Variants in LUC7L observed in about 807,000 individuals in gnomAD.
LUC7L encodes the protein putative RNA-binding protein Luc7-like 1.
LUC7L carries 29 observed loss-of-function variants against 51.1 expected under a neutral mutation model. The observed-to-expected ratio is 0.57, with a 90% CI of 0.42 to 0.77. LUC7L has a LOEUF of 0.77. Among genes scored for constraint, LUC7L ranks in the 30% least tolerant of loss-of-function variants. The probability of loss-of-function intolerance (pLI) is 0.00; values close to 1 mark genes in which losing one functional copy is unlikely to be tolerated. For synonymous variants in LUC7L, 181 were observed against 180.7 expected, an observed-to-expected ratio of 1.00 and a Z score of -0.01; for missense variants, 403 against 511.9, an observed-to-expected ratio of 0.79 and a Z score of 2.05.
At chr16:189,363 C>G (rs1175183641) in intron 9 of LUC7L, 24 bp from the exon 10 acceptor site, 1 of 1,595,198 alleles carries the variant, frequency 6.3e-7, no homozygotes, top group South Asian at 1.1e-5. Flanking sequence ...ACCAGAGGCT[C>G]AGTGGAGGCT....
At chr16:203,086 G>A (rs1405015954) in intron 5 of LUC7L, among the ~76,000 whole-genome samples, 2 of 152,178 alleles carry the variant, frequency 1.3e-5, no homozygotes, top group Non-Finnish European at 1.5e-5. Context: ...AGGAGTTGGA[G>A]GTTGCAGCGA....
At chr16:192,191 T>C (rs921732305) in intron 7 of LUC7L, among the ~76,000 whole-genome samples, 4 of 152,128 alleles carry the variant, frequency 2.6e-5, no homozygotes, top group African/African-American at 9.7e-5. Context: ...ATCAGTTCTA[T>C]CCCAGAACTT....
At chr16:215,083 C>CT (rs1000576118) in intron 3 of LUC7L, among the ~76,000 whole-genome samples, 1 of 151,986 alleles carries the variant, frequency 6.6e-6, no homozygotes, top group African/African-American at 2.4e-5. Flanking sequence ...TGTATTACAT[C>CT]TTTTTTTTCC....
At chr16:225,213 C>T (rs1458516603) in intron 2 of LUC7L, among the ~76,000 whole-genome samples, 6 of 152,034 alleles carry the variant, frequency 3.9e-5, no homozygotes, top group Non-Finnish European at 4.4e-5. Context: ...TCTGGCCGGG[C>T]GCAGTGTCTC....
chr16:225,790 T>G (rs553447248), intron 2 of LUC7L, among the ~76,000 whole-genome samples: 10 of 150,364 alleles, frequency 6.7e-5, no homozygotes, highest in Non-Finnish European at 1.3e-4. Context: ...CAGCCTGAAA[T>G]TCTGTCTCAA....
intron 2 of LUC7L, among the ~76,000 whole-genome samples, chr16:226,799 C>T (rs2050143996): frequency 6.6e-6 from 1 of 152,170 alleles, no homozygotes; most frequent in African/African-American, 2.4e-5. Flanking sequence ...TACAAAAAAT[C>T]TGGTAACTTT....
chr16:201,222 A>C (rs2049315865), intron 5 of LUC7L, among the ~76,000 whole-genome samples: 2 of 131,778 alleles, frequency 1.5e-5, no homozygotes, highest in Non-Finnish European at 3.1e-5. Flanking sequence ...TTGAATTTCC[A>C]TTATAGTATG....
At chr16:217,692 A>T (rs1430228012) in intron 3 of LUC7L, among the ~76,000 whole-genome samples, 1 of 149,116 alleles carries the variant, frequency 6.7e-6, no homozygotes, top group Non-Finnish European at 1.5e-5. Context: ...GGGCAACAAG[A>T]GTGAGACTCT....
At chr16:194,156 T>G (rs1051606975) in intron 6 of LUC7L, among the ~76,000 whole-genome samples, 1 of 151,564 alleles carries the variant, frequency 6.6e-6, no homozygotes, top group Non-Finnish European at 1.5e-5. Context: ...CTGGATGGAG[T>G]GCAGTGGCGC....
chr16:218,128 G>A (rs1004252008), intron 3 of LUC7L, among the ~76,000 whole-genome samples: 6 of 151,988 alleles, frequency 3.9e-5, no homozygotes, highest in African/African-American at 1.5e-4. Flanking sequence ...AGGAGGTGGA[G>A]GTTACAGTGA....
chr16:213,081 G>C (rs144007563), intron 3 of LUC7L, among the ~76,000 whole-genome samples: 112 of 152,144 alleles, frequency 7.4e-4, no homozygotes, highest in Admixed American at 2.5e-3. Flanking sequence ...AACTTTTTCA[G>C]AGCTTAATAT....
chr16:189,626 C>T, intron 9 of LUC7L: 1 of 1,324,336 alleles, frequency 7.6e-7, no homozygotes, highest in African/African-American at 1.5e-5. Flanking sequence ...TACGTAAAAA[C>T]ACAATGGAAA....
intron 2 of LUC7L, among the ~76,000 whole-genome samples, chr16:222,640 A>ATT (rs778095221): frequency 1.4e-5 from 2 of 142,128 alleles, no homozygotes. Flanking sequence ...TGTCTTTTTA[A>ATT]TTTTTTTTTT....
chr16:195,783 TC>T (rs1391874876), intron 6 of LUC7L, among the ~76,000 whole-genome samples: 1 of 152,150 alleles, frequency 6.6e-6, no homozygotes, highest in African/African-American at 2.4e-5. Context: ...TCATGTGTAA[TC>T]CCAGCACTCT....
At chr16:197,401 C>T (rs1424809458) in intron 6 of LUC7L, among the ~76,000 whole-genome samples, 2 of 151,646 alleles carry the variant, frequency 1.3e-5, no homozygotes, top group Non-Finnish European at 2.9e-5. Flanking sequence ...TTAGTAAAGA[C>T]GGGGTTTCAC....
At chr16:202,059 T>C (rs191657730) in intron 5 of LUC7L, among the ~76,000 whole-genome samples, 1 of 152,162 alleles carries the variant, frequency 6.6e-6, no homozygotes, top group Non-Finnish European at 1.5e-5. Flanking sequence ...TTTAATTTCT[T>C]TGTAAAGATG....
chr16:190,364 T>C (rs571522244), intron 8 of LUC7L, among the ~76,000 whole-genome samples, 177 bp downstream of exon 8: 2 of 152,174 alleles, frequency 1.3e-5, no homozygotes, highest in East Asian at 1.9e-4. Flanking sequence ...GGCCCCGACC[T>C]TCCCTCTCAT....
intron 2 of LUC7L, among the ~76,000 whole-genome samples, chr16:220,969 G>C (rs1400973046): frequency 2.0e-5 from 3 of 152,196 alleles, no homozygotes; most frequent in Non-Finnish European, 1.5e-5. Context: ...ATAGTGTAAA[G>C]TTTCTATTTT....
chr16:224,078 T>A (rs558727007), intron 2 of LUC7L, among the ~76,000 whole-genome samples: 2 of 152,140 alleles, frequency 1.3e-5, no homozygotes, highest in Non-Finnish European at 2.9e-5. Flanking sequence ...TCAGAAAAAA[T>A]GCTTTAAACT....
Sources: gnomAD v4.1 joint callset for allele counts (sites outside exome capture counted in the v4.1 genomes callset) on GRCh38, gnomAD v4.1.1 for gene constraint, MANE v1.5 for transcripts, NCBI Gene and HGNC (gene_info 2026-07-23, HGNC 2026-07-21) for gene names.